The following STXBP3 variants were observed in gnomAD, a reference collection of about 807,000 sequenced individuals.
STXBP3 encodes syntaxin binding protein 3.
A neutral mutation model predicts 85.7 loss-of-function variants in STXBP3; 41 were observed. The observed-to-expected ratio is 0.48, with a 90% CI of 0.37 to 0.62. STXBP3 has a LOEUF of 0.62. Ranked by LOEUF, STXBP3 falls within the 20% of genes least tolerant of loss-of-function variation. STXBP3 has a pLI of 0.00. For synonymous variants in STXBP3, 229 were observed against 231.7 expected (o/e 0.99, Z 0.10); for missense variants, 563 against 703.1 (o/e 0.80, Z 2.25).
At chr1:108,791,192 T>C (rs2101129468) in intron 11 of STXBP3, among the ~76,000 whole-genome samples, 1 of 152,336 alleles carries the variant, frequency 6.6e-6, no homozygotes, top group East Asian at 1.9e-4. Flanking sequence ...ACCTTCTGGC[T>C]ACCATAATTT....
intron 17 of STXBP3, among the ~76,000 whole-genome samples, chr1:108,806,244 G>C (rs1663329375): frequency 2.0e-5 from 3 of 152,140 alleles, no homozygotes; most frequent in Admixed American, 2.0e-4. Flanking sequence ...TTCTATATTG[G>C]CACTGTCCAG....
At chr1:108,801,981 A>AT (rs921874455) in intron 17 of STXBP3, among the ~76,000 whole-genome samples, 3 of 150,690 alleles carry the variant, frequency 2.0e-5, no homozygotes, top group East Asian at 1.9e-4. Flanking sequence ...TTTTTCCCTC[A>AT]TTTTTTTTCC....
intron 6 of STXBP3, among the ~76,000 whole-genome samples, chr1:108,770,742 CG>C (rs1553196308): frequency 6.8e-6 from 1 of 147,988 alleles, no homozygotes; most frequent in Non-Finnish European, 1.5e-5. Flanking sequence ...TTTAGTTTAA[CG>C]GGGAACTCTC....
Position 108,746,974 on chromosome 1 carries a change from C to G in STXBP3, c.49+188C>G, listed in dbSNP as rs955771599. Among the ~76,000 whole-genome samples the G allele has an allele frequency of 2.0e-5, 3 of 152,266 alleles. No individual in the cohort carries two copies. The South Asian group carries it at 6.2e-4, about 32-fold the overall frequency. ...ATTCCTTGCCAGCACCAGGGATGGG[C>G]GGGGTGCGACGGGACGCGGCCTTCT... On this transcript the variant is annotated intron_variant, in intron 1 of 18. Transcript: ENST00000370008.
chr1:108,808,696 A>T, intron 18 of STXBP3, 87 bp from the exon 19 acceptor site: 1 of 1,037,026 alleles, frequency 9.6e-7, no homozygotes, highest in Non-Finnish European at 1.5e-6. Context: ...ACTGCACTTT[A>T]CATATTTGAA....
At chr1:108,768,768 T>A (rs1034301364) in intron 6 of STXBP3, among the ~76,000 whole-genome samples, 13 of 152,188 alleles carry the variant, frequency 8.5e-5, no homozygotes, top group African/African-American at 3.1e-4. Flanking sequence ...GATATGATAG[T>A]GCTTCAAAGA....
intron 17 of STXBP3, among the ~76,000 whole-genome samples, chr1:108,804,127 A>T (rs1378374070): frequency 1.3e-5 from 2 of 152,100 alleles, no homozygotes; most frequent in Non-Finnish European, 2.9e-5. Context: ...AAATTCTTCA[A>T]ATATTGCCAC....
intron 1 of STXBP3, among the ~76,000 whole-genome samples, chr1:108,750,489 C>G (rs1294913626): frequency 1.3e-5 from 2 of 152,140 alleles, no homozygotes; most frequent in Non-Finnish European, 2.9e-5. Context: ...CCTTCCAGAT[C>G]ACAATTCTAA....
intron 11 of STXBP3, among the ~76,000 whole-genome samples, chr1:108,792,418 G>A (rs1040609567): frequency 2.0e-5 from 3 of 152,170 alleles, no homozygotes; most frequent in Non-Finnish European, 2.9e-5. Flanking sequence ...TATGAGGCAT[G>A]TAATATGTTT....
intron 18 of STXBP3, among the ~76,000 whole-genome samples, 185 bp downstream of exon 18, chr1:108,807,734 G>A (rs181134564): frequency 5.9e-5 from 9 of 151,974 alleles, no homozygotes; most frequent in African/African-American, 9.7e-5. Flanking sequence ...CTGCCACCAC[G>A]CCTGGCTAAT....
In STXBP3 at chr1:108,776,351, C is replaced by T; in HGVS notation, c.612C>T (p.Ala204=). Residue 204 remains alanine (A), a synonymous_variant, in exon 8 of 19, where the codon GCC becomes GCT. Transcript: ENST00000370008. ...VRYKSKPLDN[A]SKLAQLVEKK... is the part of the protein sequence containing the mutation. Reference sequence around the variant, plus strand: ...TTTCTAGTAAACCTCTAGATAATGCCAGTAAGCTTGCACAGCTTGTTGAAA... The same window carrying T: ...TTTCTAGTAAACCTCTAGATAATGCTAGTAAGCTTGCACAGCTTGTTGAAA... 6.2e-7 allele frequency: 1 copy of T among 1,607,080 alleles called. No homozygotes were observed. The highest frequency in any genetic ancestry group is 8.5e-7 in the Non-Finnish European group (1 of 1,176,304).
intron 6 of STXBP3, among the ~76,000 whole-genome samples, chr1:108,765,133 G>A (rs1358669331): frequency 1.3e-5 from 2 of 152,120 alleles, no homozygotes; most frequent in Non-Finnish European, 2.9e-5. Context: ...TATTGATTAG[G>A]GAGTCCTTTC....
At chr1:108,747,110 G>T (rs372496713) in intron 1 of STXBP3, among the ~76,000 whole-genome samples, 1 of 147,510 alleles carries the variant, frequency 6.8e-6, no homozygotes, top group Non-Finnish European at 1.5e-5. Context: ...CGTGCCCTCG[G>T]CCGCGCTCCC....
chr1:108,766,545 G>A (rs1662266771), intron 6 of STXBP3, among the ~76,000 whole-genome samples: 1 of 152,072 alleles, frequency 6.6e-6, no homozygotes, highest in Non-Finnish European at 1.5e-5. Context: ...AATAAAAGAA[G>A]TTTTAAAATC....
At chr1:108,801,473 A>T (rs556400317) in intron 17 of STXBP3, among the ~76,000 whole-genome samples, 5 of 152,082 alleles carry the variant, frequency 3.3e-5, no homozygotes, top group East Asian at 1.9e-4. Flanking sequence ...AGTTTTTAAA[A>T]TTTTTTAATT....
In STXBP3 at chr1:108,753,116, G is replaced by A. The variant is rs1373418529; in HGVS notation, c.153G>A (p.Met51Ile). ...AGCTTTTGGCATCGTGTTGCAAAAT[G>A]ACAGATCTTCTAGAAGAAGGTATTA... ...TTKLLASCCK[M>I]TDLLEEGITV... Residue 51 changes from methionine to isoleucine, a missense_variant, in exon 3 of 19, where the codon ATG becomes ATA. By Grantham distance (10) the Met-to-Ile change is conservative (BLOSUM62 1). Around this residue, in one of 3 missense-constraint regions of STXBP3, gnomAD observed 32 missense variants for 70.6 expected, o/e 0.45. Coordinates refer to ENST00000370008, the MANE Select transcript of STXBP3 (RefSeq NM_007269.4). 6 of 1,586,834 alleles carry A rather than the reference G, an allele frequency of 3.8e-6. No homozygotes were observed.
chr1:108,794,882 T>C lies in STXBP3; in HGVS notation c.1085T>C (p.Ile362Thr). ...TGCATGAATAAGTTCAAGCTTAATA[T>C]AGAAAAGCTCTGCAAAACTGAACAG... is the stretch of plus-strand genomic sequence containing the variant. Reference protein sequence around the residue: ...EDCMNKFKLNIEKLCKTEQDL... With the variant: ...EDCMNKFKLNTEKLCKTEQDL... The change falls in exon 13 of 19, where the codon ATA becomes ACA. Residue 362 changes from isoleucine to threonine, a missense_variant. Ile to Thr is a moderately conservative substitution (Grantham distance 89). This residue lies in a region of STXBP3 where 494 missense variants were observed against 592.8 expected (regional missense o/e 0.83). Transcript: ENST00000370008. 6.2e-7 allele frequency: 1 copy of C among 1,609,020 alleles called. No individual in the cohort carries two copies. The highest frequency in any genetic ancestry group is 8.5e-7 in the Non-Finnish European group (1 of 1,177,206).
At chr1:108,795,125 T>G (rs1185608399) in intron 13 of STXBP3, among the ~76,000 whole-genome samples, 18 of 152,124 alleles carry the variant, frequency 1.2e-4, no homozygotes, top group Admixed American at 1.2e-3. Flanking sequence ...TCCTAATATA[T>G]TATATATTTT....
chr1:108,783,254 TAAGTA>T (rs1662754144), intron 11 of STXBP3, among the ~76,000 whole-genome samples: 1 of 152,236 alleles, frequency 6.6e-6, no homozygotes, highest in Non-Finnish European at 1.5e-5. Flanking sequence ...ATATAATTTA[TAAGTA>T]AAGCACACAA....
Sources: gnomAD v4.1 joint callset for allele counts (sites outside exome capture counted in the v4.1 genomes callset) on GRCh38, gnomAD v4.1.1 for gene constraint, gnomAD v4.1.1 regional missense constraint, MANE v1.5 for transcripts, NCBI Gene and HGNC (gene_info 2026-07-23, HGNC 2026-07-21) for gene names.